ZNF600: variants seen among roughly 807,000 people sequenced by gnomAD.
ZNF600 encodes zinc finger protein 600.
ZNF600 carries 4 observed loss-of-function variants against 7.3 expected under a neutral mutation model. That is an observed-to-expected ratio of 0.55 (90% CI 0.27 to 1.25). The LOEUF is 1.25. Among genes scored for constraint, ZNF600 ranks in the 50% most tolerant of loss-of-function variants. The pLI is 0.12. For synonymous variants in ZNF600, 290 were observed against 308.9 expected (o/e 0.94, Z 0.64); for missense variants, 911 against 922.1 (o/e 0.99, Z 0.16).
Position 52,767,440 on chromosome 19 carries a change from T to C in ZNF600, c.523A>G (p.Lys175Glu), listed in dbSNP as rs377225803. ...GACTTCTCAAATTGATTACCAATTTTACCTTTGATCTGAATTATGTGGAGT... is the reference window on the plus strand; with the variant it reads ...GACTTCTCAAATTGATTACCAATTTCACCTTTGATCTGAATTATGTGGAGT... Residue 175 changes from lysine (K) to glutamate (E), a missense_variant, in exon 4 of 4, where the codon AAA (lysine) becomes GAA (glutamate). Physicochemically the swap from Lys to Glu is moderately conservative, Grantham distance 56. Coordinates refer to ENST00000648973, the Ensembl canonical transcript of ZNF600. 20 of 1,614,084 alleles carry C rather than the reference T, an allele frequency of 1.2e-5. No individual in the cohort carries two copies. The highest frequency in any genetic ancestry group is 1.6e-5 in the Non-Finnish European group (19 of 1,180,046).
Position 52,766,131 on chromosome 19 carries a change from T to C in ZNF600, c.1832A>G (p.His611Arg), listed in dbSNP as rs761118048. 163 of 1,613,536 alleles carry C rather than the reference T, an allele frequency of 1.0e-4. 1 individual carries two copies. Among genetic ancestry groups the C allele is most frequent in the Non-Finnish European group, 1.3e-4 (156 of 1,179,858 alleles). The change falls in exon 4 of 4, where the codon CAT (histidine) becomes CGT (arginine). Residue 611 changes from histidine to arginine, a missense_variant. Transcript: ENST00000648973. ...ACCACTATGAAGTCTACGATGGCAA[T>C]GAAGGTATGACCTCTGACTGAAGGT... is the stretch of plus-strand genomic sequence containing the variant.
the ZNF600 span, among the ~76,000 whole-genome samples, chr19:52,811,101 C>T: frequency 4.0e-5 from 6 of 149,656 alleles, no homozygotes; most frequent in Admixed American, 2.0e-4. Flanking sequence ...GCTGTGTTGG[C>T]TGGGCTGGTC....
chr19:52,824,322 C>G, the ZNF600 span, among the ~76,000 whole-genome samples: 1 of 151,974 alleles, frequency 6.6e-6, no homozygotes. Flanking sequence ...TCTAACACAA[C>G]TTATTACTTT....
At chr19:52,818,166 A>C in the ZNF600 span, 1 of 956,084 alleles carries the variant, frequency 1.0e-6, no homozygotes, top group South Asian at 1.8e-5. Context: ...ACGAACAAAA[A>C]ATTCCTACAG....
chr19:52,831,909 A>G, the ZNF600 span, among the ~76,000 whole-genome samples: 2 of 152,144 alleles, frequency 1.3e-5, no homozygotes, highest in African/African-American at 2.4e-5. Flanking sequence ...GATTACAGGC[A>G]TAAGCCACCA....
upstream of ZNF600, among the ~76,000 whole-genome samples, chr19:52,789,515 C>T (rs1195229402): frequency 6.6e-6 from 1 of 152,160 alleles, no homozygotes; most frequent in Non-Finnish European, 1.5e-5. Flanking sequence ...GAGAAATGCC[C>T]ACAGGTGTGG....
chr19:52,799,442 T>G, the ZNF600 span: 1 of 777,014 alleles, frequency 1.3e-6, no homozygotes, highest in East Asian at 2.5e-5. Context: ...ATTTGTAAAG[T>G]TTCTCTGCAG....
the ZNF600 span, among the ~76,000 whole-genome samples, chr19:52,823,128 G>C: frequency 6.6e-6 from 1 of 152,036 alleles, no homozygotes; most frequent in African/African-American, 2.4e-5. Context: ...GATGCCAACA[G>C]GTTAGTCTTC....
the ZNF600 span, among the ~76,000 whole-genome samples, chr19:52,817,654 A>T: frequency 5.9e-5 from 9 of 151,944 alleles, no homozygotes; most frequent in African/African-American, 1.9e-4. Flanking sequence ...CCCTGAACAA[A>T]CCCTGCTGCC....
chr19:52,813,782 C>A, the ZNF600 span, among the ~76,000 whole-genome samples: 2 of 146,698 alleles, frequency 1.4e-5, 1 homozygote, highest in African/African-American at 5.3e-5. Flanking sequence ...TCCCCTTCCC[C>A]ATGGGGAAAT....
At chr19:52,791,585 G>T (rs1476518642), upstream of ZNF600, among the ~76,000 whole-genome samples, 1 of 97,350 alleles carries the variant, frequency 1.0e-5, no homozygotes, top group East Asian at 2.1e-4. Flanking sequence ...AATCCTGAAT[G>T]TGAAAAAAAA....
At chr19:52,827,330 C>G in the ZNF600 span, among the ~76,000 whole-genome samples, 1 of 152,050 alleles carries the variant, frequency 6.6e-6, no homozygotes, top group East Asian at 1.9e-4. Context: ...TTATTGGTCT[C>G]CTTTCCAGAA....
At chr19:52,810,260 T>C in the ZNF600 span, 1 of 1,350,156 alleles carries the variant, frequency 7.4e-7, no homozygotes, top group Non-Finnish European at 1.1e-6. Flanking sequence ...CAGGCAATGC[T>C]GGCCCAGTGA....
exon 3 of ZNF600, chr19:52,774,666 G>T (rs2062658760): frequency 6.1e-6 from 6 of 985,328 alleles, no homozygotes; most frequent in Non-Finnish European, 7.2e-6. Context: ...CTGCCAATGA[G>T]AATTCTATAG....
the ZNF600 span, among the ~76,000 whole-genome samples, chr19:52,829,670 G>A: frequency 1.3e-5 from 2 of 151,924 alleles, no homozygotes; most frequent in African/African-American, 2.4e-5. Flanking sequence ...CACCGCACCC[G>A]GCCATCCATT....
chr19:52,831,139 T>TAC, the ZNF600 span, among the ~76,000 whole-genome samples: 1 of 152,068 alleles, frequency 6.6e-6, no homozygotes, highest in Non-Finnish European at 1.5e-5. Context: ...CAGAATTTCA[T>TAC]ACACACACAC....
intron 1 of ZNF600, among the ~76,000 whole-genome samples, chr19:52,782,383 C>G (rs1420690481): frequency 6.6e-6 from 1 of 151,248 alleles, no homozygotes; most frequent in Non-Finnish European, 1.5e-5. Flanking sequence ...ATTAGCCGGC[C>G]ATGGTGGTGC....
the ZNF600 span, among the ~76,000 whole-genome samples, chr19:52,831,443 G>A: frequency 6.6e-6 from 1 of 151,960 alleles, no homozygotes; most frequent in African/African-American, 2.4e-5. Flanking sequence ...CCGAGTAGCT[G>A]GGATAACAGG....
chr19:52,824,822 A>C, the ZNF600 span, among the ~76,000 whole-genome samples: 2 of 152,142 alleles, frequency 1.3e-5, no homozygotes, highest in African/African-American at 4.8e-5. Flanking sequence ...ACAAAGAGAT[A>C]ACGTGGATGA....
Sources: allele counts gnomAD v4.1 joint callset (sites outside exome capture counted in the v4.1 genomes callset), GRCh38; gene constraint gnomAD v4.1.1; transcripts MANE v1.5; gene names NCBI Gene and HGNC (gene_info 2026-07-23, HGNC 2026-07-21).